Variants in SLC8A1 observed in about 807,000 individuals in gnomAD.
SLC8A1 encodes sodium/calcium exchanger 1.
SLC8A1 carries 18 observed loss-of-function variants against 68.3 expected under a neutral mutation model. The observed-to-expected ratio is 0.26, with a 90% CI of 0.18 to 0.39. The LOEUF is 0.39. Among genes scored for constraint, SLC8A1 ranks in the 10% least tolerant of loss-of-function variants. SLC8A1 has a pLI of 1.00. For synonymous variants in SLC8A1, 475 were observed against 415.5 expected (o/e 1.14, Z -1.74); for missense variants, 985 against 1,156.7 (o/e 0.85, Z 2.15).
intron 2 of SLC8A1, among the ~76,000 whole-genome samples, chr2:40,392,895 T>G (rs1170827512): frequency 6.6e-6 from 1 of 152,110 alleles, no homozygotes; most frequent in Non-Finnish European, 1.5e-5. Flanking sequence ...TTACCCTGCA[T>G]AGAGTTAAAT....
At chr2:40,177,142 G>A (rs1052421705) in intron 3 of SLC8A1, among the ~76,000 whole-genome samples, 1 of 152,022 alleles carries the variant, frequency 6.6e-6, no homozygotes, top group African/African-American at 2.4e-5. Flanking sequence ...CATAGATATG[G>A]TGCCTTTTAA....
intron 2 of SLC8A1, among the ~76,000 whole-genome samples, chr2:40,208,705 G>T (rs546076759): frequency 1.3e-5 from 2 of 152,210 alleles, no homozygotes; most frequent in Admixed American, 1.3e-4. Context: ...GAATCCTTGG[G>T]GCTCTCAGCA....
At chr2:40,228,465 A>G (rs1440574602) in intron 2 of SLC8A1, among the ~76,000 whole-genome samples, 3 of 152,222 alleles carry the variant, frequency 2.0e-5, no homozygotes, top group Non-Finnish European at 4.4e-5. Context: ...GCAGCTGTCT[A>G]CGAAACAAAT....
At chr2:40,483,058 G>A (rs1029305527) in intron 1 of SLC8A1, among the ~76,000 whole-genome samples, 1 of 151,074 alleles carries the variant, frequency 6.6e-6, no homozygotes, top group Non-Finnish European at 1.5e-5. Context: ...CCCGCCTCGG[G>A]CTCCCAAAGG....
chr2:40,407,258 G>A (rs1690663464), intron 2 of SLC8A1, among the ~76,000 whole-genome samples: 1 of 152,108 alleles, frequency 6.6e-6, no homozygotes, highest in Admixed American at 6.5e-5. Context: ...TAGAGACAGG[G>A]TTTCACCATG....
At chr2:40,296,908 A>C (rs1475986677) in intron 2 of SLC8A1, among the ~76,000 whole-genome samples, 1 of 152,178 alleles carries the variant, frequency 6.6e-6, no homozygotes, top group Admixed American at 6.5e-5. Context: ...ATGGCTCTCC[A>C]CTAGAAACTC....
intron 2 of SLC8A1, among the ~76,000 whole-genome samples, chr2:40,183,332 G>A (rs13029031): frequency 0.021 from 3,151 of 152,176 alleles, 70 homozygotes; most frequent in African/African-American, 0.051. Context: ...TTATTGTTTC[G>A]TATTTACATT....
intron 2 of SLC8A1, among the ~76,000 whole-genome samples, chr2:40,422,667 G>T (rs951868673): frequency 1.3e-5 from 2 of 152,108 alleles, no homozygotes; most frequent in East Asian, 3.9e-4. Context: ...CTCAAAAGCT[G>T]CTCAATATCC....
intron 6 of SLC8A1, among the ~76,000 whole-genome samples, chr2:40,151,767 A>AG (rs1182087885): frequency 5.9e-5 from 9 of 152,306 alleles, no homozygotes; most frequent in African/African-American, 1.9e-4. Context: ...TTAATTTTCT[A>AG]GGGAAAAAAG....
At chr2:40,461,285 G>C (rs1703326005) in intron 1 of SLC8A1, among the ~76,000 whole-genome samples, 1 of 152,142 alleles carries the variant, frequency 6.6e-6, no homozygotes, top group Non-Finnish European at 1.5e-5. Context: ...TCACCACTGA[G>C]ATGATGAATG....
chr2:40,137,453 C>T (rs1430467709), intron 7 of SLC8A1, among the ~76,000 whole-genome samples: 1 of 152,140 alleles, frequency 6.6e-6, no homozygotes, highest in East Asian at 1.9e-4. Flanking sequence ...AGAGACTAAA[C>T]CCATGACCAA....
At chr2:40,486,516 A>G (rs1704976783) in intron 1 of SLC8A1, among the ~76,000 whole-genome samples, 1 of 152,162 alleles carries the variant, frequency 6.6e-6, no homozygotes, top group African/African-American at 2.4e-5. Flanking sequence ...CTTTCTAACA[A>G]ATAATTTTCA....
intron 2 of SLC8A1, among the ~76,000 whole-genome samples, chr2:40,406,948 C>T (rs775771542): frequency 6.8e-6 from 1 of 146,288 alleles, no homozygotes; most frequent in Non-Finnish European, 1.5e-5. Context: ...TCCTTCTCCA[C>T]AGTTTTTTTT....
At position 40,354,910 on chromosome 2, in the gene SLC8A1, C is replaced by G. The variant is rs573618810; in HGVS notation, c.1808+73563G>C. 1.3e-5 allele frequency among the ~76,000 whole-genome samples: 2 copies of G among 151,992 alleles called. 1 individual carries two copies. Among genetic ancestry groups the G allele is most frequent in the South Asian group, 4.1e-4 (2 of 4,830 alleles). The stretch of plus-strand genomic sequence containing the variant: ...CTTTCAGATTACCTCTAGAAATATC[C>G]CTGGAAAACTTTAAGATGAGGCAAT... On this transcript the variant is annotated intron_variant, in intron 2 of 7. Coordinates refer to ENST00000406785, the Ensembl canonical transcript of SLC8A1.
chr2:40,139,139 C>T (rs754390447), intron 7 of SLC8A1, among the ~76,000 whole-genome samples: 1 of 152,140 alleles, frequency 6.6e-6, no homozygotes, highest in Admixed American at 6.6e-5. Flanking sequence ...ATCCATCAAA[C>T]CAATCTGGTC....
At chr2:40,239,384 C>T (rs2060895583) in intron 2 of SLC8A1, among the ~76,000 whole-genome samples, 1 of 152,088 alleles carries the variant, frequency 6.6e-6, no homozygotes, top group African/African-American at 2.4e-5. Context: ...TTTGGGCTTT[C>T]TATTGACATG....
At chr2:40,250,504 G>A (rs929110207) in intron 2 of SLC8A1, 1 of 151,278 alleles carries the variant, frequency 6.6e-6, no homozygotes, top group African/African-American at 2.4e-5. Context: ...ACCATGACAG[G>A]AAAATGTAAG....
chr2:40,418,512 G>C (rs951761563), intron 2 of SLC8A1, among the ~76,000 whole-genome samples: 1 of 152,134 alleles, frequency 6.6e-6, no homozygotes, highest in Non-Finnish European at 1.5e-5. Context: ...CTGAGCCTAA[G>C]ACCTCAAAAG....
chr2:40,257,139 T>A (rs1558989748), intron 2 of SLC8A1, among the ~76,000 whole-genome samples: 1 of 152,218 alleles, frequency 6.6e-6, no homozygotes, highest in African/African-American at 2.4e-5. Flanking sequence ...TACGGTCTAC[T>A]ACAATCTTTT....
Sources: gnomAD v4.1 joint callset for allele counts (sites outside exome capture counted in the v4.1 genomes callset) on GRCh38, gnomAD v4.1.1 for gene constraint, MANE v1.5 for transcripts, NCBI Gene and HGNC (gene_info 2026-07-23, HGNC 2026-07-21) for gene names.